Variants in COL5A1 observed in about 807,000 individuals in gnomAD.
COL5A1 encodes the protein collagen alpha-1(V) chain.
In COL5A1, 16 loss-of-function variants were observed where a neutral mutation model predicts 263.7. The observed-to-expected ratio is 0.06, with a 90% CI of 0.04 to 0.09. The LOEUF is 0.09. Among genes scored for constraint, COL5A1 ranks in the 10% least tolerant of loss-of-function variants. The pLI, the probability that COL5A1 is intolerant of heterozygous loss-of-function variation, is 1.00. For synonymous variants in COL5A1, 1,012 were observed against 1,004.5 expected, an observed-to-expected ratio of 1.01 and a Z score of -0.14; for missense variants, 2,036 against 2,540.5, an observed-to-expected ratio of 0.80 and a Z score of 4.27.
chr9:134,687,415 TCATC>T (rs5901049), intron 1 of COL5A1, among the ~76,000 whole-genome samples: 119,840 of 147,682 alleles, frequency 0.81, 49,489 homozygotes, highest in Non-Finnish European at 0.9. Flanking sequence ...CTCTGGGACT[TCATC>T]CATCCATCCA....
At chr9:134,688,654 G>A (rs1325468483) in intron 1 of COL5A1, among the ~76,000 whole-genome samples, 1 of 152,322 alleles carries the variant, frequency 6.6e-6, no homozygotes, top group East Asian at 1.9e-4. Flanking sequence ...TGAGAGGCCT[G>A]GACGTGGGGT....
chr9:134,729,104 C>A lies in COL5A1; in HGVS notation c.924+297C>A, dbSNP rs146783021. Among the ~76,000 whole-genome samples the A allele has an allele frequency of 0.013, 1,929 of 152,326 alleles. 18 individuals are homozygous for A. Among genetic ancestry groups the A allele is most frequent in the Middle Eastern group, 0.024 (7 of 294 alleles). Reference sequence around the variant, plus strand: ...CCCTGTACGAGGCACAGGGCTCTAGCAGGCCCAGGATGAGTTTGGTTCTCG... The same window carrying A: ...CCCTGTACGAGGCACAGGGCTCTAGAAGGCCCAGGATGAGTTTGGTTCTCG... On this transcript the variant is annotated intron_variant, in intron 6 of 65. Transcript: ENST00000371817.
chr9:134,835,147 C>T lies in COL5A1; in HGVS notation c.5313C>T (p.Asp1771=), dbSNP rs753245063. The T allele has an allele frequency of 1.9e-6, 3 of 1,613,876 alleles. No individual in the cohort carries two copies. The highest frequency in any genetic ancestry group is 1.3e-5 in the African/African-American group (1 of 75,084). ...DKALRFLGSN[D]EEMSYDNNPY... ...CCCTCCGCTTCCTGGGCTCCAACGA[C>T]GAGGAGATGTCCTATGACAACAACC... The change falls in exon 65 of 66, where the codon GAC becomes GAT. Residue 1771 remains aspartate, a synonymous_variant. Transcript: ENST00000371817.
intron 6 of COL5A1, 117 bp downstream of exon 6, chr9:134,728,924 T>C: frequency 7.4e-7 from 1 of 1,348,700 alleles, no homozygotes; most frequent in Non-Finnish European, 1.0e-6. Flanking sequence ...CTGGTGAAGG[T>C]TGCGGGGGCA....
intron 1 of COL5A1, among the ~76,000 whole-genome samples, chr9:134,655,958 C>G (rs1360852229): frequency 6.6e-6 from 1 of 152,200 alleles, no homozygotes; most frequent in Non-Finnish European, 1.5e-5. Context: ...TTCTCTGGGT[C>G]TGTAACCCTG....
intron 64 of COL5A1, among the ~76,000 whole-genome samples, chr9:134,832,054 C>T (rs1172783844): frequency 6.6e-6 from 1 of 152,106 alleles, no homozygotes; most frequent in Non-Finnish European, 1.5e-5. Flanking sequence ...TGCTTGAGCC[C>T]AGGAGTTTGA....
At chr9:134,771,011 C>T (rs188510826) in intron 25 of COL5A1, among the ~76,000 whole-genome samples, 21 of 152,340 alleles carry the variant, frequency 1.4e-4, no homozygotes, top group South Asian at 4.1e-4. Context: ...TGATGCCGGC[C>T]GCTAACTCTG....
rs1296941301 is a variant in COL5A1 at position 134,824,869 on chromosome 9, G to A, written c.4954+14G>A. ...ACTTCCCAGATGGTGAGGGCCTGGG[G>A]GGGCAGGGGTGGCCCCCCAAAGCGG... is the stretch of plus-strand genomic sequence containing the variant. On this transcript the variant is annotated intron_variant, in intron 62 of 65. Transcript: ENST00000371817. The A allele has an allele frequency of 1.2e-6, 2 of 1,606,568 alleles. No homozygotes were observed. The highest frequency in any genetic ancestry group is 1.7e-6 in the Non-Finnish European group (2 of 1,177,798).
At chr9:134,809,094 C>T (rs895457249) in intron 42 of COL5A1, 89 bp from the exon 43 acceptor site, 13 of 1,147,956 alleles carry the variant, frequency 1.1e-5, no homozygotes, top group Non-Finnish European at 1.5e-5. Context: ...CACTTCCTGC[C>T]AGCGGATCCC....
In COL5A1 at chr9:134,760,526, CCCCACACTCATACA is replaced by C. The variant is rs1274163929; in HGVS notation, c.1936-1391_1936-1378del. 7.7e-5 allele frequency among the ~76,000 whole-genome samples: 10 copies of C among 129,084 alleles called. No individual in the cohort carries two copies. In the South Asian group the frequency reaches 2.6e-3, roughly 33 times the overall value. The allele number at this position is 129,084 out of a possible 152,430, so 84.7% of individuals were successfully genotyped here. ...CACACACGCATACACACCCACACAC[CCCCACACTCATACA>C]CCCACACACACACGCACATACACAC... On this transcript the variant is annotated intron_variant, in intron 18 of 65. Transcript: ENST00000371817.
chr9:134,731,931 C>T, intron 8 of COL5A1, 140 bp from the exon 9 acceptor site: 1 of 1,036,040 alleles, frequency 9.7e-7, no homozygotes, highest in South Asian at 1.3e-5. Flanking sequence ...CACGCTCCTG[C>T]CATCCTCCTG....
In COL5A1 at chr9:134,818,462, G is replaced by A. The variant is rs1384358302; in HGVS notation, c.4231-194G>A. Among the ~76,000 whole-genome samples the A allele has an allele frequency of 6.6e-6, 1 of 152,214 alleles. No homozygotes were observed. On this transcript the variant is annotated intron_variant, in intron 54 of 65. Transcript: ENST00000371817. The surrounding 1 kb of genome is among the most constrained non-coding windows in gnomAD (Gnocchi z 6.0). ...GCGGAGACGGGATCCCTGCTGGCCT[G>A]GGAGATGATCGGGATGGAGACTTGA...
Position 134,807,227 on chromosome 9 carries a change from T to C in COL5A1, c.3366+931T>C, listed in dbSNP as rs115975017. On this transcript the variant is annotated intron_variant, in intron 42 of 65. Transcript: ENST00000371817. Reference sequence around the variant, plus strand: ...AATGAGCTTGAGTTCTCCAGGGGAATTGGCAGATAATCGGTGCAGACCATC... The same window carrying C: ...AATGAGCTTGAGTTCTCCAGGGGAACTGGCAGATAATCGGTGCAGACCATC... Among the ~76,000 whole-genome samples the C allele has an allele frequency of 9.5e-3, 1,450 of 152,336 alleles. 20 individuals carry two copies. The highest frequency in any genetic ancestry group is 0.033 in the African/African-American group (1,374 of 41,572).
intron 4 of COL5A1, among the ~76,000 whole-genome samples, chr9:134,726,645 T>C (rs562853658): frequency 6.6e-6 from 1 of 151,656 alleles, no homozygotes; most frequent in South Asian, 2.1e-4. Flanking sequence ...GATGGGTAGA[T>C]GGATGGATGG....
chr9:134,731,646 G>A lies in COL5A1; in HGVS notation c.1315G>A (p.Asp439Asn), dbSNP rs867041610. Reference protein sequence around the residue: ...EIGPGMPANQDTIYEGIGGPR... With the variant: ...EIGPGMPANQNTIYEGIGGPR... ...CGGGCCGGGAATGCCGGCGAACCAG[G>A]ATACCATCTATGAAGGGGTGAGAGG... The change falls in exon 8 of 66, where the codon GAT becomes AAT. Residue 439 changes from aspartate to asparagine, a missense_variant. This residue lies in a region of COL5A1 where 600 missense variants were observed against 634.5 expected (regional missense o/e 0.95). Transcript: ENST00000371817. 6.2e-7 allele frequency: 1 copy of A among 1,613,780 alleles called. No individual in the cohort carries two copies. Among genetic ancestry groups the A allele is most frequent in the Non-Finnish European group, 8.5e-7 (1 of 1,179,920 alleles).
At chr9:134,828,032 A>G (rs1839363231) in intron 63 of COL5A1, among the ~76,000 whole-genome samples, 1 of 152,196 alleles carries the variant, frequency 6.6e-6, no homozygotes, top group Non-Finnish European at 1.5e-5. Flanking sequence ...GCCAGGGATC[A>G]GTCTTCTGTG....
At chr9:134,828,799 TAC>T (rs1468246447) in intron 63 of COL5A1, among the ~76,000 whole-genome samples, 8 of 141,502 alleles carry the variant, frequency 5.7e-5, no homozygotes, top group African/African-American at 1.3e-4. Context: ...ACACAGACAT[TAC>T]ACACAGATAC....
At chr9:134,776,380 T>C (rs1385074759) in intron 27 of COL5A1, among the ~76,000 whole-genome samples, 1 of 152,258 alleles carries the variant, frequency 6.6e-6, no homozygotes, top group Non-Finnish European at 1.5e-5. Flanking sequence ...GTGTTTGCTT[T>C]AAAATGTTTA....
intron 9 of COL5A1, among the ~76,000 whole-genome samples, chr9:134,734,802 A>G (rs1047431606): frequency 1.3e-5 from 2 of 152,122 alleles, no homozygotes; most frequent in South Asian, 2.1e-4. Context: ...CACCATCTCC[A>G]CTTGACACTG....
Sources: gnomAD v4.1 joint callset for allele counts (sites outside exome capture counted in the v4.1 genomes callset) on GRCh38, gnomAD v4.1.1 for gene constraint, gnomAD v4.1.1 regional missense constraint, Gnocchi (gnomAD v3.1) non-coding constraint, MANE v1.5 for transcripts, NCBI Gene and HGNC (gene_info 2026-07-23, HGNC 2026-07-21) for gene names.